Variants in NR3C1 observed in about 807,000 individuals in gnomAD.
The protein encoded by NR3C1 is glucocorticoid receptor.
A neutral mutation model predicts 74.0 loss-of-function variants in NR3C1; 14 were observed. The observed-to-expected ratio is 0.19, with a 90% CI of 0.12 to 0.30. The LOEUF is 0.30. Among genes scored for constraint, NR3C1 ranks in the 10% least tolerant of loss-of-function variants. The pLI, the probability that NR3C1 is intolerant of heterozygous loss-of-function variation, is 1.00. For synonymous variants in NR3C1, 308 were observed against 332.5 expected, an observed-to-expected ratio of 0.93 and a Z score of 0.80; for missense variants, 695 against 909.8, an observed-to-expected ratio of 0.76 and a Z score of 3.04.
At chr5:143,389,205 C>CTCTAAACCATCAGAG (rs1837798483) in intron 2 of NR3C1, among the ~76,000 whole-genome samples, 1 of 152,144 alleles carries the variant, frequency 6.6e-6, no homozygotes, top group Non-Finnish European at 1.5e-5. Context: ...GCTCTCCATG[C>CTCTAAACCATCAGAG]TGCTGGGGAT....
At chr5:143,326,636 T>C (rs1414845463) in intron 2 of NR3C1, among the ~76,000 whole-genome samples, 1 of 152,204 alleles carries the variant, frequency 6.6e-6, no homozygotes, top group East Asian at 1.9e-4. Context: ...GACTAATGTA[T>C]TCAACCCTGG....
intron 2 of NR3C1, among the ~76,000 whole-genome samples, chr5:143,340,912 A>G (rs1374251091): frequency 1.3e-5 from 2 of 152,154 alleles, no homozygotes; most frequent in Non-Finnish European, 2.9e-5. Flanking sequence ...TGTACATATT[A>G]TTTCATCACC....
chr5:143,405,444 C>G (rs959752814), upstream of NR3C1: 3 of 764,958 alleles, frequency 3.9e-6, no homozygotes, highest in African/African-American at 5.7e-5. Flanking sequence ...GGTACAGTGT[C>G]GCCAGCCCGT....
intron 2 of NR3C1, among the ~76,000 whole-genome samples, chr5:143,372,214 TAA>T (rs996915110): frequency 1.3e-5 from 2 of 152,208 alleles, no homozygotes; most frequent in African/African-American, 4.8e-5. Context: ...TCTTTATATA[TAA>T]GTCTAGAATT....
At chr5:143,332,941 T>C in intron 2 of NR3C1, 1 of 1,572,458 alleles carries the variant, frequency 6.4e-7, no homozygotes, top group Admixed American at 1.7e-5. Flanking sequence ...CTGAAGTCTG[T>C]CCGAGAACTC....
chr5:143,377,761 A>C (rs1835470505), intron 2 of NR3C1, among the ~76,000 whole-genome samples: 1 of 152,198 alleles, frequency 6.6e-6, no homozygotes, highest in South Asian at 2.1e-4. Context: ...CTGCCTCTTA[A>C]GTTTCTCTTC....
chr5:143,286,602 G>T (rs961691476), intron 7 of NR3C1, among the ~76,000 whole-genome samples: 1 of 151,984 alleles, frequency 6.6e-6, no homozygotes, highest in Non-Finnish European at 1.5e-5. Flanking sequence ...TAAATGCATG[G>T]CAAGTCACAA....
intron 2 of NR3C1, among the ~76,000 whole-genome samples, chr5:143,380,166 G>A (rs375902726): frequency 1.3e-5 from 2 of 152,096 alleles, no homozygotes; most frequent in African/African-American, 2.4e-5. Flanking sequence ...AGAGGGCCCC[G>A]ATATGCAAAA....
At chr5:143,332,530 C>T (rs2151706049) in intron 2 of NR3C1, 1 of 661,384 alleles carries the variant, frequency 1.5e-6, no homozygotes, top group African/African-American at 1.8e-5. Flanking sequence ...CCTGCACATC[C>T]TGCACATGTA....
chr5:143,327,847 C>T (rs535933031), intron 2 of NR3C1, among the ~76,000 whole-genome samples: 38 of 152,350 alleles, frequency 2.5e-4, no homozygotes, highest in Non-Finnish European at 4.4e-4. Context: ...GTGGCTTTCA[C>T]AGGCTGGCAT....
At chr5:143,424,557 C>T (rs1326314216) in intron 1 of NR3C1, among the ~76,000 whole-genome samples, 1 of 152,054 alleles carries the variant, frequency 6.6e-6, no homozygotes, top group East Asian at 1.9e-4. Context: ...CCCCTATATA[C>T]TTATGGTCTT....
intron 2 of NR3C1, among the ~76,000 whole-genome samples, chr5:143,319,287 T>A (rs1471276784): frequency 1.3e-5 from 2 of 152,144 alleles, no homozygotes; most frequent in Non-Finnish European, 2.9e-5. Context: ...GAGGCTTCCC[T>A]GACAGAGAAA....
intron 4 of NR3C1, among the ~76,000 whole-genome samples, chr5:143,309,089 T>A (rs1258195333): frequency 1.3e-5 from 2 of 151,562 alleles, no homozygotes; most frequent in Non-Finnish European, 2.9e-5. Flanking sequence ...TTTTTTTTTT[T>A]TCCAAGACGG....
chr5:143,378,310 C>T (rs1835584199), intron 2 of NR3C1, among the ~76,000 whole-genome samples: 1 of 152,082 alleles, frequency 6.6e-6, no homozygotes, highest in African/African-American at 2.4e-5. Context: ...GCGAAGACTG[C>T]AATCCATAAA....
At chr5:143,432,675 A>G (rs1356017168) in intron 1 of NR3C1, among the ~76,000 whole-genome samples, 3 of 152,184 alleles carry the variant, frequency 2.0e-5, no homozygotes, top group African/African-American at 4.8e-5. Flanking sequence ...CATGAATTCA[A>G]TGTTTTTCTT....
chr5:143,297,092 A>AG (rs1424079249), intron 6 of NR3C1, among the ~76,000 whole-genome samples: 4 of 150,830 alleles, frequency 2.7e-5, no homozygotes, highest in African/African-American at 2.4e-5. Flanking sequence ...AAAAAAAAAA[A>AG]AAAAGAAAAG....
chr5:143,373,185 T>C lies in NR3C1; in HGVS notation c.1184+26471A>G, dbSNP rs188515540. 3.7e-3 allele frequency among the ~76,000 whole-genome samples: 566 copies of C among 152,266 alleles called. 4 individuals carry two copies. The highest frequency in any genetic ancestry group is 0.013 in the African/African-American group (549 of 41,540). The stretch of plus-strand genomic sequence containing the variant: ...AGCAGAAGTTGTAGATGTGTATGCC[T>C]TGTGATCTAGTTATTCAATTTCTAG... On this transcript the variant is annotated intron_variant, in intron 2 of 8. Coordinates refer to ENST00000394464, the MANE Select transcript of NR3C1 (RefSeq NM_000176.3).
chr5:143,358,738 C>T (rs763098819), intron 2 of NR3C1, among the ~76,000 whole-genome samples: 2 of 151,712 alleles, frequency 1.3e-5, no homozygotes, highest in Non-Finnish European at 2.9e-5. Context: ...CCCGTCTCTA[C>T]TAAAATTCAA....
At chr5:143,421,730 T>C (rs1751243261) in intron 1 of NR3C1, among the ~76,000 whole-genome samples, 1 of 151,764 alleles carries the variant, frequency 6.6e-6, no homozygotes, top group Non-Finnish European at 1.5e-5. Context: ...AGGCAGAAGT[T>C]GCAGTGAGCC....
Sources: allele counts gnomAD v4.1 joint callset (sites outside exome capture counted in the v4.1 genomes callset), GRCh38; gene constraint gnomAD v4.1.1; transcripts MANE v1.5; gene names NCBI Gene and HGNC (gene_info 2026-07-23, HGNC 2026-07-21).